The following SHANK2 variants were observed in gnomAD, a reference collection of about 807,000 sequenced individuals.
SHANK2 encodes the protein SH3 and multiple ankyrin repeat domains 2.
Under a neutral mutation model 133.7 loss-of-function variants are expected in SHANK2, and 43 were observed. That is an observed-to-expected ratio of 0.32 (90% CI 0.25 to 0.41). The LOEUF (loss-of-function observed/expected upper bound fraction) is 0.41. Ranked by LOEUF, SHANK2 falls within the 10% of genes least tolerant of loss-of-function variation. SHANK2 has a pLI of 1.00. For missense variants in SHANK2, 1,994 were observed against 2,235.8 expected (o/e 0.89, Z 2.18); for synonymous variants, 1,017 against 952.8 (o/e 1.07, Z -1.24).
rs1950593086 is a variant in SHANK2 at position 70,937,921 on chromosome 11, ATG to A, written c.1108-41356_1108-41355del. Reference sequence around the variant, plus strand: ...CTTTGGGGCCTCTCTCTTCATTTGCATGTGTGTGTGGATGCCTGTGTGCATGC... The same window carrying A: ...CTTTGGGGCCTCTCTCTTCATTTGCATGTGTGTGGATGCCTGTGTGCATGC... On this transcript the variant is annotated intron_variant, in intron 10 of 25. Coordinates refer to ENST00000601538, the MANE Select transcript of SHANK2 (RefSeq NM_012309.5). 1.3e-5 allele frequency among the ~76,000 whole-genome samples: 2 copies of A among 151,842 alleles called. 1 individual carries two copies. Among genetic ancestry groups the A allele is most frequent in the South Asian group, 4.2e-4 (2 of 4,818 alleles).
chr11:70,556,821 G>A (rs1242741168), intron 17 of SHANK2, among the ~76,000 whole-genome samples: 1 of 151,980 alleles, frequency 6.6e-6, no homozygotes, highest in African/African-American at 2.4e-5. Flanking sequence ...CTAACTCCTG[G>A]CCTCAAGTGA....
At chr11:71,172,400 C>T (rs1953333341) in intron 2 of SHANK2, among the ~76,000 whole-genome samples, 1 of 151,938 alleles carries the variant, frequency 6.6e-6, no homozygotes, top group African/African-American at 2.4e-5. Flanking sequence ...GAGTTCGAGA[C>T]CAGCTTGGCC....
rs191557613 is a variant in SHANK2 at position 70,529,438 on chromosome 11, C to T, written c.2062-26507G>A. 1.3e-4 allele frequency among the ~76,000 whole-genome samples: 20 copies of T among 152,374 alleles called. No homozygotes were observed. The East Asian group carries it at 2.5e-3, about 19-fold the overall frequency. On this transcript the variant is annotated intron_variant, in intron 17 of 25. Transcript: ENST00000601538. Reference sequence around the variant, plus strand: ...TTCCCCATTACCACCCAAAACCCCCCACAAGGTGCCGTGGGATGCAGGCTG... The same window carrying T: ...TTCCCCATTACCACCCAAAACCCCCTACAAGGTGCCGTGGGATGCAGGCTG...
intron 17 of SHANK2, among the ~76,000 whole-genome samples, chr11:70,568,699 C>T (rs540662314): frequency 9.0e-5 from 13 of 145,184 alleles, no homozygotes; most frequent in African/African-American, 3.2e-4. Flanking sequence ...AGCAAAGCCA[C>T]GAGTAGCAGG....
chr11:70,670,493 C>CT (rs1555015815), intron 15 of SHANK2, among the ~76,000 whole-genome samples: 1 of 152,226 alleles, frequency 6.6e-6, no homozygotes. Flanking sequence ...CGTGGCAGAG[C>CT]TGGCTGCAGG....
rs904698827 is a variant in SHANK2 at position 70,735,524 on chromosome 11, T to G, written c.1778-36761A>C. On this transcript the variant is annotated intron_variant, in intron 14 of 25. Coordinates refer to ENST00000601538, the MANE Select transcript of SHANK2 (RefSeq NM_012309.5). ...TTCGAGGCCAGCCTGGCCAACATGG[T>G]GAAACCCCATCTGTATTAAAGATAC... 2.0e-5 allele frequency among the ~76,000 whole-genome samples: 3 copies of G among 152,108 alleles called. No homozygotes were observed. In the East Asian group the frequency reaches 5.8e-4, roughly 29 times the overall value.
At chr11:70,497,595 G>C (rs540426474) in intron 21 of SHANK2, among the ~76,000 whole-genome samples, 19 of 152,286 alleles carry the variant, frequency 1.2e-4, no homozygotes, top group African/African-American at 4.3e-4. Context: ...GAAAAGGGAG[G>C]GGAGGTAGGT....
intron 11 of SHANK2, among the ~76,000 whole-genome samples, chr11:70,825,608 T>C (rs1948625134): frequency 6.6e-6 from 1 of 152,212 alleles, no homozygotes; most frequent in Non-Finnish European, 1.5e-5. Context: ...TCATATTAAA[T>C]TAGTTTCCTG....
In SHANK2 at chr11:70,739,570, C is replaced by T. The variant is rs1020763292; in HGVS notation, c.1778-40807G>A. On this transcript the variant is annotated intron_variant, in intron 14 of 25. Coordinates refer to ENST00000601538, the MANE Select transcript of SHANK2 (RefSeq NM_012309.5). This position sits in a 1 kb window ranked among gnomAD's most constrained non-coding sequence, Gnocchi z 4.3. ...GGCTCCACCAGATCATGTGATTTGT[C>T]TTGTTCTGGTTTCAGATTCTGAGCC... Among the ~76,000 whole-genome samples the T allele has an allele frequency of 6.6e-6, 1 of 152,134 alleles. No individual in the cohort carries two copies. Among genetic ancestry groups the T allele is most frequent in the Non-Finnish European group, 1.5e-5 (1 of 68,026 alleles).
intron 15 of SHANK2, chr11:70,662,036 G>A: frequency 3.8e-6 from 2 of 529,082 alleles, no homozygotes; most frequent in Non-Finnish European, 3.4e-6. Context: ...TAAGTGGCCC[G>A]AACGGCGGCG....
chr11:71,188,669 C>T lies in SHANK2; in HGVS notation c.-13+36028G>A, dbSNP rs1953724272. On this transcript the variant is annotated intron_variant, in intron 2 of 25. Coordinates refer to ENST00000601538, the MANE Select transcript of SHANK2 (RefSeq NM_012309.5). The surrounding 1 kb of genome is among the most constrained non-coding windows in gnomAD (Gnocchi z 4.6). ...AACTGAGGTGTGGGCCCAAATGCAC[C>T]GTGCTGGTGCTAGAGTGCCCTGCTC... 1.3e-5 allele frequency among the ~76,000 whole-genome samples: 2 copies of T among 152,172 alleles called. No homozygotes were observed. Among genetic ancestry groups the T allele is most frequent in the African/African-American group, 2.4e-5 (1 of 41,432 alleles).
chr11:70,549,781 G>A (rs774160273), intron 17 of SHANK2, among the ~76,000 whole-genome samples: 7 of 152,188 alleles, frequency 4.6e-5, no homozygotes, highest in Non-Finnish European at 7.3e-5. Context: ...AGTTAACACC[G>A]ACACAGGTGC....
At chr11:71,141,448 CTG>C (rs1952552148) in intron 3 of SHANK2, among the ~76,000 whole-genome samples, 1 of 152,062 alleles carries the variant, frequency 6.6e-6, no homozygotes, top group Non-Finnish European at 1.5e-5. Flanking sequence ...ACAGAGGTTG[CTG>C]TGAGGTGAGA....
chr11:70,492,184 CTT>C (rs1211938835), intron 22 of SHANK2, 149 bp downstream of exon 22: 2 of 1,151,702 alleles, frequency 1.7e-6, no homozygotes, highest in African/African-American at 3.0e-5. Context: ...AGACCCGGCT[CTT>C]TGTCCTGTGG....
chr11:70,669,542 C>T (rs1472303138), intron 15 of SHANK2: 1 of 152,640 alleles, frequency 6.6e-6, no homozygotes, highest in African/African-American at 2.4e-5. Context: ...CCTCCAGAGC[C>T]ACCGGGCAGG....
chr11:70,787,119 C>T (rs1262573955), intron 14 of SHANK2, among the ~76,000 whole-genome samples: 2 of 150,294 alleles, frequency 1.3e-5, no homozygotes, highest in Non-Finnish European at 3.0e-5. Flanking sequence ...ATGACCACCA[C>T]CAGCATCACC....
intron 11 of SHANK2, among the ~76,000 whole-genome samples, chr11:70,839,337 G>A (rs990443592): frequency 2.9e-4 from 44 of 152,324 alleles, no homozygotes; most frequent in African/African-American, 8.9e-4. Flanking sequence ...GGGAAAGGGC[G>A]GGTCTGGGCC....
chr11:70,705,599 G>A (rs1945646538), intron 14 of SHANK2: 1 of 152,202 alleles, frequency 6.6e-6, no homozygotes, highest in Non-Finnish European at 1.5e-5. Flanking sequence ...CCCTCTGCCT[G>A]TGATAAAGAA....
At chr11:70,921,053 C>G (rs1306359190) in intron 10 of SHANK2, among the ~76,000 whole-genome samples, 1 of 152,026 alleles carries the variant, frequency 6.6e-6, no homozygotes, top group Non-Finnish European at 1.5e-5. Flanking sequence ...TCTCGCCATA[C>G]CAGAAAATCA....
Sources: allele counts gnomAD v4.1 joint callset (sites outside exome capture counted in the v4.1 genomes callset), GRCh38; gene constraint gnomAD v4.1.1; non-coding constraint Gnocchi (gnomAD v3.1); transcripts MANE v1.5; gene names NCBI Gene and HGNC (gene_info 2026-07-23, HGNC 2026-07-21).